BANF2: variants seen among roughly 807,000 people sequenced by gnomAD.
The protein encoded by BANF2 is BANF family member 2, also known as barrier-to-autointegration factor-like protein.
BANF2 carries 4 observed loss-of-function variants against 8.0 expected under a neutral mutation model. The observed-to-expected ratio is 0.50, with a 90% confidence interval of 0.25 to 1.14. The LOEUF is 1.14. Ranked by LOEUF, BANF2 falls within the 50% of genes most tolerant of loss-of-function variation. The pLI is 0.16. For synonymous variants in BANF2, 50 were observed against 40.6 expected (o/e 1.23, Z -0.88); for missense variants, 96 against 107.5 (o/e 0.89, Z 0.47).
intron 3 of BANF2, 91 bp from the exon 4 acceptor site, chr20:17,735,574 C>T (rs1303914087): frequency 7.0e-6 from 10 of 1,429,630 alleles, no homozygotes; most frequent in South Asian, 1.3e-5. Flanking sequence ...TTGATTGTCA[C>T]GTGAGCCCTG....
At chr20:17,719,823 G>A (rs1202551764) in intron 1 of BANF2, among the ~76,000 whole-genome samples, 1 of 152,168 alleles carries the variant, frequency 6.6e-6, no homozygotes, top group Non-Finnish European at 1.5e-5. Context: ...GGTGATTTGG[G>A]GGTAGACACT....
rs1256251082 is a variant in BANF2 at position 17,694,599 on chromosome 20, C to CTTTTTTT, written c.18+894_18+895insTTTTTTT. ...AGGGGGCTATTTTTGTTTTTTCTCTCTCTTTTTTTTTTTTTTTTTTTTTTT... is the reference window on the plus strand; with the variant it reads ...AGGGGGCTATTTTTGTTTTTTCTCTCTTTTTTTTCTTTTTTTTTTTTTTTTTTTTTTT... On this transcript the variant is annotated intron_variant, in intron 1 of 2. Coordinates refer to the BANF2 transcript ENST00000545418. Among the ~76,000 whole-genome samples, 223 of 82,732 alleles carry CTTTTTTT rather than the reference C, an allele frequency of 2.7e-3. 6 individuals are homozygous for CTTTTTTT. Among genetic ancestry groups the CTTTTTTT allele is most frequent in the East Asian group, 0.013 (25 of 1,966 alleles). 54.3% of individuals were successfully genotyped at this position (82,732 alleles called of 152,430 possible).
At position 17,714,643 on chromosome 20, in the gene BANF2, T is replaced by A. The variant is rs568301473; in HGVS notation, c.-166-8073T>A. 3.6e-4 allele frequency among the ~76,000 whole-genome samples: 55 copies of A among 152,318 alleles called. No individual in the cohort carries two copies. In the South Asian group the frequency reaches 6.2e-3, roughly 17 times the overall value. ...CACATCCATGAAACCTTACTTAGAA[T>A]TGCTGGGGCCAGAAGTTCTAGGGAA... is the stretch of plus-strand genomic sequence containing the variant. On this transcript the variant is annotated intron_variant, in intron 1 of 3. Coordinates refer to ENST00000246090, the MANE Select transcript of BANF2 (RefSeq NM_178477.5).
At position 17,722,687 on chromosome 20, in the gene BANF2, C is replaced by T. The variant is rs146729840; in HGVS notation, c.-166-29C>T. 6.9e-4 allele frequency: 670 copies of T among 974,170 alleles called. 1 individual carries two copies. The highest frequency in any genetic ancestry group is 2.2e-3 in the Admixed American group (35 of 16,264). 60.3% of individuals were successfully genotyped at this position (974,170 alleles called of 1,614,324 possible). On this transcript the variant is annotated intron_variant, in intron 1 of 3. Coordinates refer to ENST00000246090, the MANE Select transcript of BANF2 (RefSeq NM_178477.5). ...CACAGAGTCAGGGGACCCTGAACAA[C>T]CTCTCATGTCTTTTGCTCCCCTTCC... is the stretch of plus-strand genomic sequence containing the variant.
At chr20:17,727,604 G>C (rs1719352041) in intron 3 of BANF2, among the ~76,000 whole-genome samples, 1 of 152,094 alleles carries the variant, frequency 6.6e-6, no homozygotes, top group Admixed American at 6.5e-5. Flanking sequence ...TCCGAGATGG[G>C]CAAGCGCTTC....
At chr20:17,695,338 C>T (rs556490146), upstream of BANF2, among the ~76,000 whole-genome samples, 2 of 147,142 alleles carry the variant, frequency 1.4e-5, no homozygotes, top group Admixed American at 6.9e-5. Flanking sequence ...TGTAATTACT[C>T]GGGAGGCTGA....
At chr20:17,720,949 A>G (rs2037719018) in intron 1 of BANF2, among the ~76,000 whole-genome samples, 1 of 152,160 alleles carries the variant, frequency 6.6e-6, no homozygotes, top group Admixed American at 6.5e-5. Context: ...CCCGTCCCAG[A>G]CCTGCTGAGT....
intron 1 of BANF2, among the ~76,000 whole-genome samples, chr20:17,709,066 G>C (rs1391066762): frequency 1.3e-5 from 2 of 152,210 alleles, no homozygotes; most frequent in African/African-American, 4.8e-5. Flanking sequence ...TTATAACCTT[G>C]AGAATGTGGC....
Position 17,735,778 on chromosome 20 carries a change from C to T in BANF2, c.240C>T (p.His80=). The T allele has an allele frequency of 6.2e-7, 1 of 1,613,990 alleles. No homozygotes were observed. Among genetic ancestry groups the T allele is most frequent in the African/African-American group, 1.3e-5 (1 of 75,026 alleles). The change falls in exon 4 of 4, where the codon CAC becomes CAT. Residue 80 remains histidine (H), a synonymous_variant. Transcript: ENST00000246090. ...ATECEAQQTS[H]CLKEWCACFL is the part of the protein sequence containing the mutation. ...AGTGTGAGGCCCAGCAGACTTCTCA[C>T]TGCCTCAAGGAGTGGTGTGCCTGCT...
chr20:17,725,279 G>A, intron 3 of BANF2, 128 bp downstream of exon 3: 1 of 1,202,880 alleles, frequency 8.3e-7, no homozygotes, highest in Non-Finnish European at 1.2e-6. Flanking sequence ...CGCTTGGCGG[G>A]GTGCCACATG....
At chr20:17,712,141 A>T (rs2122594789) in intron 1 of BANF2, 1 of 152,522 alleles carries the variant, frequency 6.6e-6, no homozygotes, top group Non-Finnish European at 1.5e-5. Context: ...AGGGGTGACC[A>T]GTCCCTTTTT....
chr20:17,696,998 G>A (rs2037351470), upstream of BANF2, among the ~76,000 whole-genome samples: 1 of 152,058 alleles, frequency 6.6e-6, no homozygotes, highest in Non-Finnish European at 1.5e-5. Context: ...AGGAGAATGT[G>A]GAAGGAGTTA....
At chr20:17,712,803 G>A (rs977861624) in intron 1 of BANF2, among the ~76,000 whole-genome samples, 2 of 152,082 alleles carry the variant, frequency 1.3e-5, no homozygotes, top group African/African-American at 2.4e-5. Flanking sequence ...GGTGTATATT[G>A]AGAGGTTTAG....
Position 17,704,861 on chromosome 20 carries a change from G to A in BANF2, c.-167+4806G>A, listed in dbSNP as rs733625. Among the ~76,000 whole-genome samples the A allele has an allele frequency of 5.9e-3, 892 of 152,276 alleles. 3 individuals are homozygous for A. Among genetic ancestry groups the A allele is most frequent in the Non-Finnish European group, 8.7e-3 (594 of 68,012 alleles). The stretch of plus-strand genomic sequence containing the variant: ...TCTCCAGTTCTGCATTGCCAGGATC[G>A]CTCTGACAGGATCCCCCACAAGTGG... On this transcript the variant is annotated intron_variant, in intron 1 of 3. Transcript: ENST00000246090.
chr20:17,705,607 G>A (rs933849606), intron 1 of BANF2, among the ~76,000 whole-genome samples: 7 of 152,200 alleles, frequency 4.6e-5, no homozygotes, highest in South Asian at 2.1e-4. Flanking sequence ...TTTCAAAGCC[G>A]TAAATAGGCT....
intron 1 of BANF2, among the ~76,000 whole-genome samples, chr20:17,722,177 A>G (rs1442499701): frequency 6.6e-6 from 1 of 152,252 alleles, no homozygotes; most frequent in Non-Finnish European, 1.5e-5. Flanking sequence ...GGCAAAAGTC[A>G]CTGCCTATGT....
chr20:17,693,924 C>T (rs2037320428), intron 1 of BANF2, among the ~76,000 whole-genome samples: 1 of 152,192 alleles, frequency 6.6e-6, no homozygotes, highest in African/African-American at 2.4e-5. Context: ...GCCTGATGGG[C>T]AGTGGCAAGC....
intron 1 of BANF2, among the ~76,000 whole-genome samples, chr20:17,701,467 C>T (rs1421820725): frequency 6.6e-6 from 1 of 152,174 alleles, no homozygotes; most frequent in African/African-American, 2.4e-5. Context: ...TATCGACTAT[C>T]CCCAACATTA....
chr20:17,712,233 G>A (rs1362180436), intron 1 of BANF2: 1 of 152,204 alleles, frequency 6.6e-6, no homozygotes, highest in African/African-American at 2.4e-5. Context: ...CCCATGCATG[G>A]GACTTCTTCC....
Sources: gnomAD v4.1 joint callset for allele counts (sites outside exome capture counted in the v4.1 genomes callset) on GRCh38, gnomAD v4.1.1 for gene constraint, MANE v1.5 for transcripts, NCBI Gene and HGNC (gene_info 2026-07-23, HGNC 2026-07-21) for gene names.